Variants in METAP1 observed in about 807,000 individuals in gnomAD.
METAP1 encodes methionyl aminopeptidase 1, also known as methionine aminopeptidase 1.
In METAP1, 28 loss-of-function variants were observed where a neutral mutation model predicts 53.8. The ratio of observed to expected loss-of-function variants is 0.52; its 90% CI spans 0.39 to 0.71. The LOEUF (loss-of-function observed/expected upper bound fraction) is 0.71, where lower values mean the gene tolerates loss of function less well. METAP1 is among the 30% of genes least tolerant of loss of function. The probability of loss-of-function intolerance (pLI) is 0.00; values close to 1 mark genes in which losing one functional copy is unlikely to be tolerated. For missense variants in METAP1, 389 were observed against 479.8 expected, an observed-to-expected ratio of 0.81 and a Z score of 1.77; for synonymous variants, 181 against 165.7, an observed-to-expected ratio of 1.09 and a Z score of -0.71.
intron 1 of METAP1, among the ~76,000 whole-genome samples, chr4:99,013,541 G>C (rs1723588773): frequency 6.6e-6 from 1 of 152,170 alleles, no homozygotes; most frequent in Non-Finnish European, 1.5e-5. Flanking sequence ...GTCCAGCCAC[G>C]AGAGCACACC....
At chr4:98,999,776 G>A (rs1722836617) in intron 1 of METAP1, among the ~76,000 whole-genome samples, 1 of 151,844 alleles carries the variant, frequency 6.6e-6, no homozygotes. Context: ...CTCCCAAAGT[G>A]CTAGGATTAC....
chr4:99,003,752 A>G (rs1723030274), intron 1 of METAP1, among the ~76,000 whole-genome samples: 1 of 152,200 alleles, frequency 6.6e-6, no homozygotes, highest in South Asian at 2.1e-4. Context: ...AGTCATCAAC[A>G]CAGATGATTT....
intron 9 of METAP1, among the ~76,000 whole-genome samples, chr4:99,057,071 G>T (rs1417423458): frequency 6.6e-6 from 1 of 152,128 alleles, no homozygotes; most frequent in South Asian, 2.1e-4. Flanking sequence ...CGCCATGTTG[G>T]CCAGGCTGGT....
chr4:99,004,986 G>A (rs552810908), intron 1 of METAP1, among the ~76,000 whole-genome samples: 1 of 152,096 alleles, frequency 6.6e-6, no homozygotes, highest in Non-Finnish European at 1.5e-5. Flanking sequence ...AGACATTCTT[G>A]TGCCTGATTC....
Position 99,025,824 on chromosome 4 carries a change from T to TA in METAP1, c.115-3042dup, listed in dbSNP as rs1179465634. On this transcript the variant is annotated intron_variant, in intron 1 of 10. Transcript: ENST00000296411. ...ACAGTCTATTTTCTCTGAAGCCTGTTATGTTACCTGGAGGCTTCATCTGCA... is the reference window on the plus strand; with the variant it reads ...ACAGTCTATTTTCTCTGAAGCCTGTTAATGTTACCTGGAGGCTTCATCTGCA... 1.1e-4 allele frequency among the ~76,000 whole-genome samples: 17 copies of TA among 152,374 alleles called. No homozygotes were observed. In the East Asian group the frequency reaches 1.9e-3, roughly 17 times the overall value.
At chr4:99,007,774 G>A (rs898821171) in intron 1 of METAP1, among the ~76,000 whole-genome samples, 1 of 152,144 alleles carries the variant, frequency 6.6e-6, no homozygotes, top group Non-Finnish European at 1.5e-5. Context: ...CCTTTAAAGT[G>A]GCTTCTATAT....
chr4:99,023,258 TAGTA>T (rs1724280784), intron 1 of METAP1: 2 of 464,812 alleles, frequency 4.3e-6, no homozygotes, highest in Non-Finnish European at 6.8e-6. Context: ...TTTTTCACAA[TAGTA>T]AGTAATGCTA....
chr4:99,051,798 A>G (rs971438617), intron 9 of METAP1, among the ~76,000 whole-genome samples: 1 of 151,740 alleles, frequency 6.6e-6, no homozygotes, highest in African/African-American at 2.4e-5. Flanking sequence ...TATAGCAGAG[A>G]TATCTTTTGA....
At chr4:98,997,156 A>G (rs1361583063) in intron 1 of METAP1, among the ~76,000 whole-genome samples, 1 of 152,248 alleles carries the variant, frequency 6.6e-6, no homozygotes, top group Non-Finnish European at 1.5e-5. Context: ...AGATATATGA[A>G]CACAATACAA....
intron 1 of METAP1, among the ~76,000 whole-genome samples, chr4:99,021,994 C>G (rs1360130955): frequency 6.6e-6 from 1 of 152,212 alleles, no homozygotes; most frequent in East Asian, 1.9e-4. Flanking sequence ...AGAACTTCTT[C>G]ATGCCTTACA....
intron 1 of METAP1, chr4:99,023,403 T>C: frequency 1.1e-6 from 1 of 889,110 alleles, no homozygotes; most frequent in Non-Finnish European, 1.4e-6. Context: ...ATTAAGTATT[T>C]GTAAGTATTT....
At chr4:99,012,250 A>G (rs1264084447) in intron 1 of METAP1, among the ~76,000 whole-genome samples, 1 of 145,346 alleles carries the variant, frequency 6.9e-6, no homozygotes, top group Non-Finnish European at 1.5e-5. Context: ...TTGAGGTAAA[A>G]GTCGGGTTGT....
At position 99,034,315 on chromosome 4, in the gene METAP1, T is replaced by C; in HGVS notation, c.252T>C (p.Thr84=). ...ACCCATGGGCAGGTTATCGATATAC[T>C]GGTAAACTCAGACCACATTATCCAC... The part of the protein sequence containing the change: ...NTDPWAGYRY[T]GKLRPHYPLM... Residue 84 remains threonine, a synonymous_variant, in exon 3 of 11, where the codon ACT becomes ACC. Transcript: ENST00000296411. 1 of 1,544,342 alleles carries C rather than the reference T, an allele frequency of 6.5e-7. No individual in the cohort carries two copies. The highest frequency in any genetic ancestry group is 8.8e-7 in the Non-Finnish European group (1 of 1,140,446).
intron 1 of METAP1, among the ~76,000 whole-genome samples, chr4:99,002,522 T>G (rs931690751): frequency 6.6e-6 from 1 of 151,698 alleles, no homozygotes; most frequent in African/African-American, 2.4e-5. Flanking sequence ...GTATCAGTCT[T>G]GTCTCTGGGT....
intron 2 of METAP1, chr4:99,031,493 A>G (rs1308184776): frequency 1.6e-6 from 2 of 1,286,756 alleles, no homozygotes; most frequent in South Asian, 1.2e-5. Flanking sequence ...AGTGTGCCTG[A>G]TTTTTGGATT....
intron 9 of METAP1, among the ~76,000 whole-genome samples, chr4:99,053,627 A>G (rs1342408773): frequency 6.6e-6 from 1 of 152,204 alleles, no homozygotes; most frequent in East Asian, 1.9e-4. Flanking sequence ...GTCCAGATTC[A>G]TCAGAGGAAT....
intron 1 of METAP1, among the ~76,000 whole-genome samples, chr4:99,008,155 G>A (rs1470278789): frequency 1.3e-5 from 2 of 152,162 alleles, no homozygotes; most frequent in Non-Finnish European, 2.9e-5. Flanking sequence ...TGATAAATAG[G>A]TGTGAAAATC....
intron 1 of METAP1, among the ~76,000 whole-genome samples, chr4:99,015,043 G>C (rs2110293203): frequency 1.3e-5 from 2 of 152,290 alleles, no homozygotes; most frequent in South Asian, 4.1e-4. Flanking sequence ...TCTTGAAAGA[G>C]AGCTACCACA....
At chr4:99,058,152 G>C (rs1477910316) in intron 10 of METAP1, among the ~76,000 whole-genome samples, 3 of 152,182 alleles carry the variant, frequency 2.0e-5, no homozygotes, top group Admixed American at 2.0e-4. Context: ...AGAGGGAAGA[G>C]GAGGGAACAG....
Sources: gnomAD v4.1 joint callset for allele counts (sites outside exome capture counted in the v4.1 genomes callset) on GRCh38, gnomAD v4.1.1 for gene constraint, MANE v1.5 for transcripts, NCBI Gene and HGNC (gene_info 2026-07-23, HGNC 2026-07-21) for gene names.